SYT1: variants seen among roughly 807,000 people sequenced by gnomAD.
SYT1 encodes synaptotagmin-1.
Under a neutral mutation model 44.8 loss-of-function variants are expected in SYT1, and 8 were observed. The ratio of observed to expected loss-of-function variants is 0.18; its 90% CI spans 0.10 to 0.32. The LOEUF (loss-of-function observed/expected upper bound fraction) is 0.32, where lower values mean the gene tolerates loss of function less well. Among genes scored for constraint, SYT1 ranks in the 10% least tolerant of loss-of-function variants. SYT1 has a pLI of 1.00. For synonymous variants in SYT1, 154 were observed against 188.8 expected (o/e 0.82, Z 1.51); for missense variants, 286 against 509.3 (o/e 0.56, Z 4.22).
In SYT1 at chr12:79,332,066, A is replaced by G. The variant is rs562106257; in HGVS notation, c.811-21436A>G. ...ATGCTGTTAAAAAAATATATCCTCT[A>G]TTAGTCATTTCTCACAAAAATCTGT... On this transcript the variant is annotated intron_variant, in intron 8 of 10. Coordinates refer to ENST00000261205, the MANE Select transcript of SYT1 (RefSeq NM_005639.3). 1.1e-4 allele frequency among the ~76,000 whole-genome samples: 16 copies of G among 152,302 alleles called. No homozygotes were observed. The East Asian group carries it at 2.7e-3, about 26-fold the overall frequency.
intron 9 of SYT1, among the ~76,000 whole-genome samples, chr12:79,396,534 G>C (rs1884877168): frequency 6.6e-6 from 1 of 151,976 alleles, no homozygotes. Context: ...TACTAATCCA[G>C]TACAAAACAG....
At chr12:79,203,301 T>C (rs995498264) in intron 3 of SYT1, among the ~76,000 whole-genome samples, 1 of 152,178 alleles carries the variant, frequency 6.6e-6, no homozygotes, top group East Asian at 1.9e-4. Context: ...TCGCTGTCCA[T>C]AGAGTATCTA....
intron 2 of SYT1, among the ~76,000 whole-genome samples, chr12:79,033,688 C>T (rs867920511): frequency 1.5e-4 from 22 of 151,488 alleles, no homozygotes; most frequent in Middle Eastern, 3.4e-3. Context: ...AATCTAAGAA[C>T]TAGCTTTTAA....
At chr12:79,441,377 G>A (rs1870407276) in intron 9 of SYT1, among the ~76,000 whole-genome samples, 1 of 152,062 alleles carries the variant, frequency 6.6e-6, no homozygotes, top group Non-Finnish European at 1.5e-5. Flanking sequence ...GTGCAGTGGT[G>A]TGATCTTGGC....
rs868853032 is a variant in SYT1 at position 78,876,751 on chromosome 12, G to A, written c.-217+11642G>A. 2.8e-3 allele frequency among the ~76,000 whole-genome samples: 150 copies of A among 54,210 alleles called. 1 individual carries two copies. Among genetic ancestry groups the A allele is most frequent in the African/African-American group, 9.7e-3 (92 of 9,480 alleles). The allele number at this position is 54,210 out of a possible 152,430, so 35.6% of individuals were successfully genotyped here. Reference sequence around the variant, plus strand: ...AATTATATATTATATATTATATATTGTATATTATATATATTATATATTTAT... The same window carrying A: ...AATTATATATTATATATTATATATTATATATTATATATATTATATATTTAT... On this transcript the variant is annotated intron_variant, in intron 1 of 10. Transcript: ENST00000261205.
At position 79,185,047 on chromosome 12, in the gene SYT1, A is replaced by G. The variant is rs1371180972; in HGVS notation, c.-17-32456A>G. Among the ~76,000 whole-genome samples the G allele has an allele frequency of 1.3e-5, 2 of 152,060 alleles. 1 individual carries two copies. The highest frequency in any genetic ancestry group is 4.1e-4 in the South Asian group (2 of 4,830). ...ATGTCACCTAGCAAAAGGAAGTATC[A>G]AGAAGCCGGCTCTCTCCACTATGAA... On this transcript the variant is annotated intron_variant, in intron 3 of 10. Transcript: ENST00000261205.
chr12:79,013,469 A>G (rs1592661652), intron 2 of SYT1, among the ~76,000 whole-genome samples: 1 of 152,290 alleles, frequency 6.6e-6, no homozygotes, highest in Admixed American at 6.5e-5. Context: ...CAACTTGCAC[A>G]CTGAATTTTA....
chr12:78,968,553 T>C (rs1441363538), intron 1 of SYT1, among the ~76,000 whole-genome samples: 4 of 152,162 alleles, frequency 2.6e-5, no homozygotes, highest in Non-Finnish European at 5.9e-5. Context: ...TTAAAACACA[T>C]TTAAAAGGAG....
At chr12:79,132,657 A>G (rs1200626159) in intron 3 of SYT1, among the ~76,000 whole-genome samples, 1 of 144,594 alleles carries the variant, frequency 6.9e-6, no homozygotes, top group Non-Finnish European at 1.5e-5. Context: ...CTCATGGTCA[A>G]CAATATGGAG....
Position 78,944,507 on chromosome 12 carries a change from A to G in SYT1, c.-216-33292A>G, listed in dbSNP as rs537223014. Reference sequence around the variant, plus strand: ...TTTTATCTTGGGAGTTCAGAATGCAAATACAAAAAAAAACTCCTGGGGGGA... The same window carrying G: ...TTTTATCTTGGGAGTTCAGAATGCAGATACAAAAAAAAACTCCTGGGGGGA... On this transcript the variant is annotated intron_variant, in intron 1 of 10. Transcript: ENST00000261205. Among the ~76,000 whole-genome samples, 15 of 152,150 alleles carry G rather than the reference A, an allele frequency of 9.9e-5. No individual in the cohort carries two copies. In the South Asian group the frequency reaches 2.3e-3, roughly 23 times the overall value.
intron 3 of SYT1, among the ~76,000 whole-genome samples, chr12:79,190,848 T>A (rs1873074584): frequency 6.6e-6 from 1 of 152,116 alleles, no homozygotes; most frequent in African/African-American, 2.4e-5. Flanking sequence ...CCCCAATCAT[T>A]CTTTTGATAG....
Position 79,184,857 on chromosome 12 carries a change from G to C in SYT1, c.-17-32646G>C, listed in dbSNP as rs74486863. Among the ~76,000 whole-genome samples the C allele has an allele frequency of 2.8e-3, 433 of 152,082 alleles. 14 individuals carry two copies. The East Asian group carries it at 0.07, about 25-fold the overall frequency. On this transcript the variant is annotated intron_variant, in intron 3 of 10. Coordinates refer to ENST00000261205, the MANE Select transcript of SYT1 (RefSeq NM_005639.3). ...TAACATGCACGCTCTGAGTATTTTA[G>C]ATTCACTGGGAAACTGTTGATATTT...
At chr12:79,133,129 GAGAT>G (rs1323596206) in intron 3 of SYT1, among the ~76,000 whole-genome samples, 5 of 152,164 alleles carry the variant, frequency 3.3e-5, no homozygotes, top group Non-Finnish European at 5.9e-5. Flanking sequence ...GGTAGTTAAT[GAGAT>G]AGATAGATAG....
chr12:79,093,332 T>C (rs1226652244), intron 3 of SYT1, among the ~76,000 whole-genome samples: 2 of 151,754 alleles, frequency 1.3e-5, no homozygotes, highest in Non-Finnish European at 3.0e-5. Flanking sequence ...TTAACCAGAA[T>C]GGCAATTTAA....
At chr12:79,055,102 G>A (rs1390655209) in intron 3 of SYT1, among the ~76,000 whole-genome samples, 2 of 151,938 alleles carry the variant, frequency 1.3e-5, no homozygotes, top group East Asian at 3.9e-4. Context: ...TTAGACCTCT[G>A]TGAGTTTTGA....
intron 1 of SYT1, among the ~76,000 whole-genome samples, chr12:78,924,068 G>C (rs918015910): frequency 2.6e-5 from 4 of 151,648 alleles, no homozygotes; most frequent in Non-Finnish European, 4.4e-5. Flanking sequence ...TTTGTAAATA[G>C]TCTCTCAATT....
intron 4 of SYT1, among the ~76,000 whole-genome samples, chr12:79,256,052 G>A (rs763005767): frequency 6.6e-6 from 1 of 152,150 alleles, no homozygotes; most frequent in Non-Finnish European, 1.5e-5. Flanking sequence ...AGTGGCTTAC[G>A]TGTTCTAAGG....
chr12:79,072,581 AT>A (rs779431851), intron 3 of SYT1, among the ~76,000 whole-genome samples: 113 of 152,186 alleles, frequency 7.4e-4, no homozygotes, highest in Middle Eastern at 3.4e-3. Flanking sequence ...AATATTTTCA[AT>A]TTTTTGCTTA....
At chr12:79,218,992 G>C (rs1874986355) in intron 4 of SYT1, among the ~76,000 whole-genome samples, 1 of 151,922 alleles carries the variant, frequency 6.6e-6, no homozygotes, top group African/African-American at 2.4e-5. Flanking sequence ...AGTGTGCAAG[G>C]GTTCCCTTTT....
Sources: allele counts gnomAD v4.1 joint callset (sites outside exome capture counted in the v4.1 genomes callset), GRCh38; gene constraint gnomAD v4.1.1; transcripts MANE v1.5; gene names NCBI Gene and HGNC (gene_info 2026-07-23, HGNC 2026-07-21).